The following SPIN1 variants were observed in gnomAD, a reference collection of about 807,000 sequenced individuals.
SPIN1 encodes the protein spindlin-1.
SPIN1 carries 3 observed loss-of-function variants against 26.0 expected under a neutral mutation model. That is an observed-to-expected ratio of 0.12 (90% confidence interval 0.05 to 0.30). SPIN1 has a LOEUF of 0.30. Among genes scored for constraint, SPIN1 ranks in the 10% least tolerant of loss-of-function variants. SPIN1 has a pLI of 1.00. For synonymous variants in SPIN1, 101 were observed against 116.5 expected (o/e 0.87, Z 0.86); for missense variants, 126 against 333.4 (o/e 0.38, Z 4.84).
chr9:88,475,600 T>C lies in SPIN1; in HGVS notation c.*323T>C, dbSNP rs1045099925. 3 of 222,454 alleles carry C rather than the reference T, an allele frequency of 1.3e-5. No homozygotes were observed. Among genetic ancestry groups the C allele is most frequent in the African/African-American group, 2.3e-5 (1 of 43,814 alleles). 13.8% of individuals were successfully genotyped at this position (222,454 alleles called of 1,614,324 possible). On this transcript the variant is annotated 3_prime_UTR_variant, in exon 6 of 6. Coordinates refer to ENST00000375859, the MANE Select transcript of SPIN1 (RefSeq NM_006717.3). ...ATTTTCCCCCTCACCCTAACTCTCTTATTCTGCCGCCACAATGCAAGCATA... is the reference window on the plus strand; with the variant it reads ...ATTTTCCCCCTCACCCTAACTCTCTCATTCTGCCGCCACAATGCAAGCATA...
intron 3 of SPIN1, among the ~76,000 whole-genome samples, chr9:88,457,267 C>T (rs1004196318): frequency 6.6e-6 from 1 of 152,054 alleles, no homozygotes; most frequent in Non-Finnish European, 1.5e-5. Flanking sequence ...TTCTAAAACA[C>T]CTTGAAGACC....
intron 2 of SPIN1, among the ~76,000 whole-genome samples, chr9:88,432,180 GC>G (rs1288496472): frequency 2.0e-4 from 3 of 15,146 alleles, no homozygotes; most frequent in Non-Finnish European, 2.9e-4. Context: ...TGCCCGTCCC[GC>G]CCCCCCCACC....
chr9:88,443,189 C>G (rs998901535), intron 2 of SPIN1, among the ~76,000 whole-genome samples: 1 of 151,302 alleles, frequency 6.6e-6, no homozygotes, highest in African/African-American at 2.4e-5. Context: ...CTTCCTTTAC[C>G]TACTTGCATT....
chr9:88,431,543 G>T (rs1827871573), intron 2 of SPIN1, among the ~76,000 whole-genome samples: 1 of 152,166 alleles, frequency 6.6e-6, no homozygotes. Flanking sequence ...ACCCGCCTCG[G>T]CCTCCCAGAG....
intron 1 of SPIN1, among the ~76,000 whole-genome samples, chr9:88,408,973 G>GTGTGTGTT: frequency 7.8e-6 from 1 of 128,660 alleles, no homozygotes. Context: ...TTTTGTGTTT[G>GTGTGTGTT]TGTGTGTTTG....
intron 1 of SPIN1, among the ~76,000 whole-genome samples, chr9:88,401,702 G>C (rs868018690): frequency 6.6e-5 from 10 of 152,200 alleles, no homozygotes; most frequent in African/African-American, 1.9e-4. Flanking sequence ...TGAATCCACA[G>C]ATGTGGAGCT....
chr9:88,405,999 GTGTGTC>G (rs1348450558), intron 1 of SPIN1, among the ~76,000 whole-genome samples: 6,043 of 90,966 alleles, frequency 0.066, 395 homozygotes, highest in African/African-American at 0.32. Flanking sequence ...TGCCTGGCTT[GTGTGTC>G]TGTGTGTGTG....
At chr9:88,456,921 A>C (rs966393786) in intron 3 of SPIN1, among the ~76,000 whole-genome samples, 5 of 152,212 alleles carry the variant, frequency 3.3e-5, no homozygotes, top group Admixed American at 1.3e-4. Flanking sequence ...CATTAAAAAG[A>C]AAAACCATTC....
At chr9:88,465,991 A>G (rs1275104119) in intron 4 of SPIN1, among the ~76,000 whole-genome samples, 2 of 152,214 alleles carry the variant, frequency 1.3e-5, no homozygotes, top group Admixed American at 6.5e-5. Flanking sequence ...GCCACTCTTA[A>G]TGTATTTTGA....
chr9:88,473,117 G>T (rs1828821770), intron 5 of SPIN1, among the ~76,000 whole-genome samples: 1 of 152,086 alleles, frequency 6.6e-6, no homozygotes, highest in South Asian at 2.1e-4. Context: ...TTTGGGCTGG[G>T]CATGGTGGCT....
intron 3 of SPIN1, 34 bp from the exon 4 acceptor site, chr9:88,462,462 A>G (rs1828593634): frequency 2.5e-6 from 4 of 1,601,332 alleles, no homozygotes; most frequent in South Asian, 1.1e-5. Flanking sequence ...TACTTTTGAG[A>G]TAATACCTTA....
chr9:88,409,183 T>TG (rs1827384695), intron 1 of SPIN1, among the ~76,000 whole-genome samples: 2 of 149,684 alleles, frequency 1.3e-5, no homozygotes, highest in Admixed American at 1.3e-4. Flanking sequence ...TTAGTAGAGA[T>TG]GGGGTTTTTT....
At chr9:88,442,370 T>TGGTAAG (rs1828152604) in intron 2 of SPIN1, among the ~76,000 whole-genome samples, 1 of 151,688 alleles carries the variant, frequency 6.6e-6, no homozygotes, top group Non-Finnish European at 1.5e-5. Context: ...TATTCCTCTG[T>TGGTAAG]GGTAAGGTGG....
At chr9:88,474,443 G>A (rs1175840032) in intron 5 of SPIN1, among the ~76,000 whole-genome samples, 2 of 152,056 alleles carry the variant, frequency 1.3e-5, no homozygotes, top group Non-Finnish European at 2.9e-5. Flanking sequence ...TAGTTGTCCT[G>A]GGCTGAAGTT....
intron 5 of SPIN1, among the ~76,000 whole-genome samples, chr9:88,470,601 C>CT (rs59676605): frequency 5.0e-4 from 72 of 143,200 alleles, no homozygotes; most frequent in Middle Eastern, 3.6e-3. Flanking sequence ...GGCCCCCCCC[C>CT]TTTTTTTTTT....
At position 88,477,313 on chromosome 9, in the gene SPIN1, AAAAT is replaced by A. The variant is rs1828906740; in HGVS notation, c.*2040_*2043del. 6.6e-6 allele frequency: 1 copy of A among 152,320 alleles called. No individual in the cohort carries two copies. Among genetic ancestry groups the A allele is most frequent in the Admixed American group, 6.5e-5 (1 of 15,302 alleles). The allele number at this position is 152,320 out of a possible 1,614,324, so 9.4% of individuals were successfully genotyped here. Reference sequence around the variant, plus strand: ...ACTTGGCTCGGTAACTTTGCGTGGAAAAATAAAGTACATTTTGAAGTATCTTGAG... The same window carrying A: ...ACTTGGCTCGGTAACTTTGCGTGGAAAAAGTACATTTTGAAGTATCTTGAG... On this transcript the variant is annotated 3_prime_UTR_variant, in exon 6 of 6. Coordinates refer to ENST00000375859, the MANE Select transcript of SPIN1 (RefSeq NM_006717.3).
At chr9:88,424,331 T>G (rs1827725558) in intron 1 of SPIN1, among the ~76,000 whole-genome samples, 1 of 152,166 alleles carries the variant, frequency 6.6e-6, no homozygotes, top group African/African-American at 2.4e-5. Flanking sequence ...GAATGCACAC[T>G]TGAGATACGA....
At chr9:88,396,629 G>A (rs1292925867) in intron 1 of SPIN1, among the ~76,000 whole-genome samples, 1 of 151,986 alleles carries the variant, frequency 6.6e-6, no homozygotes, top group African/African-American at 2.4e-5. Flanking sequence ...AACTCTAAAT[G>A]GCTTTCCAGT....
At chr9:88,461,650 C>T (rs1184767421) in intron 3 of SPIN1, among the ~76,000 whole-genome samples, 2 of 152,086 alleles carry the variant, frequency 1.3e-5, no homozygotes, top group African/African-American at 2.4e-5. Context: ...AAGGGAATTC[C>T]TTTCAGGTCT....
Sources: gnomAD v4.1 joint callset for allele counts (sites outside exome capture counted in the v4.1 genomes callset) on GRCh38, gnomAD v4.1.1 for gene constraint, MANE v1.5 for transcripts, NCBI Gene and HGNC (gene_info 2026-07-23, HGNC 2026-07-21) for gene names.